The following FOXP2 variants were observed in gnomAD, a reference collection of about 807,000 sequenced individuals.
FOXP2 encodes the protein forkhead box P2.
FOXP2 carries 12 observed loss-of-function variants against 115.8 expected under a neutral mutation model. That is an observed-to-expected ratio of 0.10 (90% CI 0.07 to 0.17). FOXP2 has a LOEUF of 0.17. FOXP2 is among the 10% of genes least tolerant of loss of function. The pLI, the probability that FOXP2 is intolerant of heterozygous loss-of-function variation, is 1.00. For missense variants in FOXP2, 629 were observed against 843.5 expected, an observed-to-expected ratio of 0.75 and a Z score of 3.15; for synonymous variants, 328 against 297.7, an observed-to-expected ratio of 1.10 and a Z score of -1.05.
chr7:114,397,607 G>A (rs577307285), intron 2 of FOXP2, among the ~76,000 whole-genome samples: 1 of 152,142 alleles, frequency 6.6e-6, no homozygotes, highest in East Asian at 1.9e-4. Flanking sequence ...ACCCTAAGAT[G>A]GCAGTGAGAA....
chr7:114,299,056 A>G (rs374297395), intron 2 of FOXP2, among the ~76,000 whole-genome samples: 1 of 152,148 alleles, frequency 6.6e-6, no homozygotes, highest in East Asian at 1.9e-4. Context: ...GCATTCTGAA[A>G]CTTTATTTTT....
intron 2 of FOXP2, among the ~76,000 whole-genome samples, chr7:114,316,080 A>G (rs1797269109): frequency 6.6e-6 from 1 of 152,212 alleles, no homozygotes; most frequent in South Asian, 2.1e-4. Flanking sequence ...ATTTGTTTAC[A>G]GTAAGAACTG....
intron 6 of FOXP2, among the ~76,000 whole-genome samples, chr7:114,635,121 A>G (rs1805147745): frequency 6.6e-6 from 1 of 152,204 alleles, no homozygotes; most frequent in Non-Finnish European, 1.5e-5. Context: ...TAAAAATGAA[A>G]TATTTGAAAT....
intron 16 of FOXP2, among the ~76,000 whole-genome samples, chr7:114,680,379 G>A (rs1294937381): frequency 6.6e-6 from 1 of 152,158 alleles, no homozygotes; most frequent in South Asian, 2.1e-4. Flanking sequence ...TGCCAAATGG[G>A]TAATTTGCAC....
At chr7:114,262,374 T>C (rs1795777397) in intron 1 of FOXP2, among the ~76,000 whole-genome samples, 1 of 151,944 alleles carries the variant, frequency 6.6e-6, no homozygotes, top group Admixed American at 6.6e-5. Context: ...GAGTGAGCTA[T>C]GATCACATCA....
chr7:114,094,442 T>C (rs1347262436), intron 1 of FOXP2, among the ~76,000 whole-genome samples: 2 of 152,220 alleles, frequency 1.3e-5, no homozygotes, highest in Non-Finnish European at 2.9e-5. Context: ...CTTGAGAATA[T>C]GAAAAGGAGG....
intron 2 of FOXP2, among the ~76,000 whole-genome samples, chr7:114,481,505 G>T (rs1796535182): frequency 6.6e-6 from 1 of 151,246 alleles, no homozygotes; most frequent in South Asian, 2.1e-4. Flanking sequence ...AATAGCTTCT[G>T]CTAGAGGAGT....
chr7:114,392,323 C>T (rs978091683), intron 2 of FOXP2, among the ~76,000 whole-genome samples: 1 of 152,140 alleles, frequency 6.6e-6, no homozygotes, highest in African/African-American at 2.4e-5. Flanking sequence ...GGACCAGAAA[C>T]CTAGGAACTA....
chr7:114,459,975 G>A, intron 2 of FOXP2, among the ~76,000 whole-genome samples: 1 of 152,120 alleles, frequency 6.6e-6, no homozygotes, highest in South Asian at 2.1e-4. Context: ...ATTTTCAGTA[G>A]CCATTCATGC....
At chr7:114,660,761 A>G (rs1356855420) in intron 13 of FOXP2, among the ~76,000 whole-genome samples, 1 of 152,156 alleles carries the variant, frequency 6.6e-6, no homozygotes, top group Non-Finnish European at 1.5e-5. Flanking sequence ...TTGAAGATTT[A>G]CATTTTCTTT....
chr7:114,595,533 A>G (rs950557529), intron 3 of FOXP2, among the ~76,000 whole-genome samples: 4 of 152,090 alleles, frequency 2.6e-5, no homozygotes, highest in Admixed American at 6.6e-5. Context: ...GCAGAGGTTA[A>G]TAGATACCCA....
rs566676672 is a variant in FOXP2 at position 114,415,082 on chromosome 7, C to T, written c.-289C>T. On this transcript the variant is annotated 5_prime_UTR_variant, in exon 1 of 17. It adds an upstream start codon to the 5' untranslated region. Transcript: ENST00000350908. ...GATTTTGTGTACGATTGTCCACGGA[C>T]GCCAAAACAATCACAGAGCTGCTTG... is the stretch of plus-strand genomic sequence containing the variant. 5 of 454,194 alleles carry T rather than the reference C, an allele frequency of 1.1e-5. No individual in the cohort carries two copies. The highest frequency in any genetic ancestry group is 7.0e-5 in the East Asian group (1 of 14,348). The allele number at this position is 454,194 out of a possible 1,614,324, so 28.1% of individuals were successfully genotyped here. A position where few individuals can be genotyped will look rare whatever the true frequency, so the allele number is the denominator to read the frequency against.
At chr7:114,253,423 G>A (rs1484375494) in intron 1 of FOXP2, among the ~76,000 whole-genome samples, 1 of 152,144 alleles carries the variant, frequency 6.6e-6, no homozygotes, top group Non-Finnish European at 1.5e-5. Context: ...TTATGTGGGA[G>A]TCTAAGTCTC....
intron 2 of FOXP2, among the ~76,000 whole-genome samples, chr7:114,503,114 T>A (rs1453327202): frequency 6.6e-6 from 1 of 151,976 alleles, no homozygotes; most frequent in African/African-American, 2.4e-5. Context: ...TGCTTCTTTT[T>A]GTTTTAGTTT....
intron 2 of FOXP2, among the ~76,000 whole-genome samples, chr7:114,344,271 G>T (rs535966996): frequency 2.6e-5 from 4 of 151,732 alleles, no homozygotes; most frequent in Non-Finnish European, 5.9e-5. Context: ...AATGACGGGG[G>T]AAGTGGGGTA....
intron 10 of FOXP2, chr7:114,656,665 T>C (rs1487343784): frequency 4.9e-6 from 1 of 203,196 alleles, no homozygotes; most frequent in East Asian, 1.5e-4. Context: ...TTGTGGTTTA[T>C]TGGGAACAGA....
At chr7:114,548,524 T>C (rs1325615036) in intron 3 of FOXP2, among the ~76,000 whole-genome samples, 1 of 152,250 alleles carries the variant, frequency 6.6e-6, no homozygotes, top group African/African-American at 2.4e-5. Flanking sequence ...CTTGAAATAC[T>C]TTAGTGAAAT....
intron 3 of FOXP2, among the ~76,000 whole-genome samples, chr7:114,603,781 T>G (rs762182471): frequency 7.9e-5 from 12 of 152,220 alleles, no homozygotes; most frequent in Non-Finnish European, 1.3e-4. Context: ...AAAGTAAGGC[T>G]GAACTTCAAG....
intron 1 of FOXP2, among the ~76,000 whole-genome samples, chr7:114,097,062 TTTA>T (rs1799668212): frequency 3.9e-5 from 6 of 152,186 alleles, no homozygotes; most frequent in Admixed American, 3.9e-4. Context: ...TTTATTATGG[TTTA>T]TTAATGACAC....
Sources: allele counts gnomAD v4.1 joint callset (sites outside exome capture counted in the v4.1 genomes callset), GRCh38; gene constraint gnomAD v4.1.1; transcripts MANE v1.5; gene names NCBI Gene and HGNC (gene_info 2026-07-23, HGNC 2026-07-21).